The following NANOGNB variants were observed in gnomAD, a reference collection of about 807,000 sequenced individuals.
NANOGNB encodes the protein homeobox C14.
NANOGNB carries 30 observed loss-of-function variants against 25.0 expected under a neutral mutation model. That is an observed-to-expected ratio of 1.20 (90% CI 0.90 to 1.63). The LOEUF is 1.63. Ranked by LOEUF, NANOGNB falls within the 40% of genes most tolerant of loss-of-function variation. The pLI, the probability that NANOGNB is intolerant of heterozygous loss-of-function variation, is 0.00. For synonymous variants in NANOGNB, 84 were observed against 62.1 expected (o/e 1.35, Z -1.66); for missense variants, 200 against 188.1 (o/e 1.06, Z -0.37).
At chr12:7,772,813 G>T (rs1030511727) in intron 3 of NANOGNB, among the ~76,000 whole-genome samples, 2 of 151,734 alleles carry the variant, frequency 1.3e-5, no homozygotes, top group African/African-American at 4.8e-5. Context: ...CGAACTCCTG[G>T]CCTCAAGTGA....
At chr12:7,768,581 G>A (rs1450536353) in intron 1 of NANOGNB, among the ~76,000 whole-genome samples, 1 of 151,592 alleles carries the variant, frequency 6.6e-6, no homozygotes, top group African/African-American at 2.4e-5. Flanking sequence ...CCAGTGGCAC[G>A]ATGTCAGCTG....
intron 1 of NANOGNB, among the ~76,000 whole-genome samples, chr12:7,767,469 C>T (rs139336502): frequency 2.6e-3 from 392 of 150,888 alleles, no homozygotes; most frequent in Middle Eastern, 0.01. Flanking sequence ...AATGCCAAGG[C>T]GGACAGATCA....
chr12:7,771,444 C>T (rs975752915), intron 3 of NANOGNB, among the ~76,000 whole-genome samples: 5 of 152,102 alleles, frequency 3.3e-5, no homozygotes, highest in Admixed American at 1.3e-4. Context: ...TGGTCTCGAT[C>T]TCCTGACCTT....
intron 3 of NANOGNB, among the ~76,000 whole-genome samples, chr12:7,772,953 G>C (rs906102465): frequency 7.2e-5 from 11 of 151,964 alleles, no homozygotes; most frequent in African/African-American, 2.7e-4. Flanking sequence ...GGGATTAAAA[G>C]AGTTACATGC....
chr12:7,766,535 C>G (rs558698013), intron 1 of NANOGNB, among the ~76,000 whole-genome samples: 18 of 152,160 alleles, frequency 1.2e-4, no homozygotes, highest in Non-Finnish European at 2.5e-4. Flanking sequence ...CCACGATACC[C>G]TTAAAAGAAA....
At chr12:7,769,688 C>T (rs975565610) in intron 1 of NANOGNB, among the ~76,000 whole-genome samples, 17 of 151,904 alleles carry the variant, frequency 1.1e-4, no homozygotes, top group Admixed American at 5.9e-4. Flanking sequence ...CCACCATGCC[C>T]GGCTAATGTT....
intron 3 of NANOGNB, among the ~76,000 whole-genome samples, chr12:7,771,043 A>AAAT (rs2120518920): frequency 6.6e-6 from 1 of 152,364 alleles, no homozygotes; most frequent in East Asian, 1.9e-4. Flanking sequence ...TCATATTACC[A>AAAT]AATGTACAAA....
At position 7,769,586 on chromosome 12, in the gene NANOGNB, G is replaced by A. The variant is rs1418391136; in HGVS notation, c.103-397G>A. Among the ~76,000 whole-genome samples, 7 of 152,100 alleles carry A rather than the reference G, an allele frequency of 4.6e-5. No homozygotes were observed. The South Asian group carries it at 1.2e-3, about 27-fold the overall frequency. On this transcript the variant is annotated intron_variant, in intron 1 of 3. Transcript: ENST00000382119. Reference sequence around the variant, plus strand: ...GATCCACCCACCTCGGCCTCCCAAAGTGCTGGGATTACAGGCGTGAGCCAC... The same window carrying A: ...GATCCACCCACCTCGGCCTCCCAAAATGCTGGGATTACAGGCGTGAGCCAC...
chr12:7,770,002 G>A lies in NANOGNB; in HGVS notation c.122G>A (p.Trp41Ter). ...LANKKQSAMP[W>*]DQDPEQSTGN... Reference sequence around the variant, plus strand: ...ATACAGAAACAATCAGCTATGCCTTGGGATCAAGATCCAGAACAATCAACT... The same window carrying A: ...ATACAGAAACAATCAGCTATGCCTTAGGATCAAGATCCAGAACAATCAACT... The change falls in exon 2 of 4, where the codon TGG (tryptophan) becomes TAG (stop). Residue 41 changes from tryptophan (W) to a stop codon, truncating the protein, a stop_gained. Transcript: ENST00000382119. LOFTEE classifies it high-confidence loss of function. 2.0e-6 allele frequency: 3 copies of A among 1,516,060 alleles called. No individual in the cohort carries two copies. Among genetic ancestry groups the A allele is most frequent in the Non-Finnish European group, 2.6e-6 (3 of 1,136,870 alleles). The allele number at this position is 1,516,060 out of a possible 1,614,324, so 93.9% of individuals were successfully genotyped here. A position where few individuals can be genotyped will look rare whatever the true frequency, so the allele number is the denominator to read the frequency against.
At chr12:7,768,380 TTAATC>T (rs1478288703) in intron 1 of NANOGNB, among the ~76,000 whole-genome samples, 1 of 152,174 alleles carries the variant, frequency 6.6e-6, no homozygotes, top group African/African-American at 2.4e-5. Context: ...ATAATGGACA[TTAATC>T]TATAGTTTTT....
At chr12:7,768,988 A>T (rs1360797668) in intron 1 of NANOGNB, among the ~76,000 whole-genome samples, 3 of 152,046 alleles carry the variant, frequency 2.0e-5, no homozygotes, top group Non-Finnish European at 4.4e-5. Flanking sequence ...TTCAAGTAAA[A>T]GGGATTATAA....
At position 7,773,776 on chromosome 12, in the gene NANOGNB, T is replaced by A. The variant is rs1227866573; in HGVS notation, c.516-24T>A. The A allele has an allele frequency of 9.1e-6, 5 of 547,940 alleles. No homozygotes were observed. In the African/African-American group the frequency reaches 1.1e-4, roughly 12 times the overall value. The allele number at this position is 547,940 out of a possible 1,614,324, so 33.9% of individuals were successfully genotyped here. On this transcript the variant is annotated intron_variant, in intron 3 of 3. Coordinates refer to ENST00000382119, the MANE Select transcript of NANOGNB (RefSeq NM_001145465.1). ...ATATAGACTGTGTTGCGAAACTCTT[T>A]TTTTTTTTTTTTTTTTTAAACAGAT...
intron 3 of NANOGNB, 100 bp downstream of exon 3, chr12:7,770,618 T>A: frequency 3.7e-6 from 1 of 273,068 alleles, no homozygotes; most frequent in Non-Finnish European, 6.5e-6. Context: ...GCCCATAAAC[T>A]TTTTTTTTTT....
chr12:7,772,382 A>G (rs755273971), intron 3 of NANOGNB, among the ~76,000 whole-genome samples: 4 of 150,482 alleles, frequency 2.7e-5, no homozygotes, highest in Non-Finnish European at 4.4e-5. Flanking sequence ...GGTTCATGCC[A>G]TTCTTCTGCC....
intron 1 of NANOGNB, among the ~76,000 whole-genome samples, chr12:7,766,934 G>C (rs540617662): frequency 6.6e-6 from 1 of 152,098 alleles, no homozygotes; most frequent in African/African-American, 2.4e-5. Context: ...TTTGCCTCCC[G>C]GGTTCAAGCG....
rs969971887 is a variant in NANOGNB, at chr12:7,770,559, A to G, written c.515+41A>G. 6.3e-6 allele frequency: 8 copies of G among 1,272,880 alleles called. No individual in the cohort carries two copies. In the African/African-American group the frequency reaches 1.1e-4, roughly 17 times the overall value. The allele number at this position is 1,272,880 out of a possible 1,614,324, so 78.8% of individuals were successfully genotyped here. A position where few individuals can be genotyped will look rare whatever the true frequency, so the allele number is the denominator to read the frequency against. Reference sequence around the variant, plus strand: ...TTGTAAAATAAAAGGAAGTAGAAGGAATATATTGACTTCCGGAGTTGGTTT... The same window carrying G: ...TTGTAAAATAAAAGGAAGTAGAAGGGATATATTGACTTCCGGAGTTGGTTT... On this transcript the variant is annotated intron_variant, in intron 3 of 3. Transcript: ENST00000382119.
intron 1 of NANOGNB, among the ~76,000 whole-genome samples, chr12:7,769,761 C>G (rs929308300): frequency 6.6e-6 from 1 of 151,858 alleles, no homozygotes; most frequent in Non-Finnish European, 1.5e-5. Flanking sequence ...CTCTGGACCT[C>G]ATGATCTGCC....
At chr12:7,772,186 T>G (rs1414254775) in intron 3 of NANOGNB, among the ~76,000 whole-genome samples, 1 of 152,192 alleles carries the variant, frequency 6.6e-6, no homozygotes, top group Non-Finnish European at 1.5e-5. Flanking sequence ...TGGCAGCCAG[T>G]GCAGGGAAAT....
At chr12:7,768,927 G>A (rs767181598) in intron 1 of NANOGNB, among the ~76,000 whole-genome samples, 2 of 151,858 alleles carry the variant, frequency 1.3e-5, no homozygotes, top group Admixed American at 6.6e-5. Flanking sequence ...CCACCACGCC[G>A]GGCCTTGTTA....
Sources: allele counts gnomAD v4.1 joint callset (sites outside exome capture counted in the v4.1 genomes callset), GRCh38; gene constraint gnomAD v4.1.1; transcripts MANE v1.5; gene names NCBI Gene and HGNC (gene_info 2026-07-23, HGNC 2026-07-21).